Variants in ARHGAP39 observed in about 807,000 individuals in gnomAD.
The protein encoded by ARHGAP39 is Rho GTPase activating protein 39.
In ARHGAP39, 44 loss-of-function variants were observed where a neutral mutation model predicts 106.9. The observed-to-expected ratio is 0.41, with a 90% CI of 0.32 to 0.53. The LOEUF is 0.53. Ranked by LOEUF, ARHGAP39 falls within the 20% of genes least tolerant of loss-of-function variation. ARHGAP39 has a pLI of 0.21. For missense variants in ARHGAP39, 1,496 were observed against 1,577.3 expected, an observed-to-expected ratio of 0.95 and a Z score of 0.87; for synonymous variants, 768 against 693.2, an observed-to-expected ratio of 1.11 and a Z score of -1.69.
chr8:144,613,772 AAAAG>A (rs1394277228), intron 1 of ARHGAP39, among the ~76,000 whole-genome samples: 1 of 152,230 alleles, frequency 6.6e-6, no homozygotes, highest in African/African-American at 2.4e-5. Context: ...CAACAAAGAA[AAAAG>A]AAAGATGGTC....
At chr8:144,579,610 G>A (rs536233521) in intron 3 of ARHGAP39, among the ~76,000 whole-genome samples, 14 of 152,216 alleles carry the variant, frequency 9.2e-5, no homozygotes, top group Non-Finnish European at 2.1e-4. Flanking sequence ...TGCCAGACCG[G>A]GTCCACGGGA....
At position 144,547,949 on chromosome 8, in the gene ARHGAP39, G is replaced by C; in HGVS notation, c.1137C>G (p.Pro379=). 6.3e-7 allele frequency: 1 copy of C among 1,599,346 alleles called. No homozygotes were observed. Among genetic ancestry groups the C allele is most frequent in the Non-Finnish European group, 8.5e-7 (1 of 1,173,456 alleles). The change falls in exon 5 of 12, where the codon CCC becomes CCG. Residue 379 remains proline, a synonymous_variant. Transcript: ENST00000377307. The surrounding 1 kb of genome is among the most constrained non-coding windows in gnomAD (Gnocchi z 5.2). ...TGTACTCCAGGCTCAGGAAGCGCTC[G>C]GGACACTTCTGCTTGGTGAGCACCA... ...QQLVLTKQKC[P]ERFLSLEYSP... is the part of the protein sequence containing the mutation.
chr8:144,608,666 G>T (rs1363046317), intron 1 of ARHGAP39, among the ~76,000 whole-genome samples: 1 of 152,228 alleles, frequency 6.6e-6, no homozygotes, highest in East Asian at 1.9e-4. Flanking sequence ...TTGCAGTTGT[G>T]TTGAATCTAT....
At chr8:144,544,636 G>A (rs1426467086) in intron 6 of ARHGAP39, among the ~76,000 whole-genome samples, 2 of 152,254 alleles carry the variant, frequency 1.3e-5, no homozygotes, top group African/African-American at 2.4e-5. Flanking sequence ...CTGAAGCATC[G>A]TCTTGGAGAG....
At chr8:144,563,841 T>C (rs1453507393) in intron 3 of ARHGAP39, among the ~76,000 whole-genome samples, 1 of 152,048 alleles carries the variant, frequency 6.6e-6, no homozygotes, top group Non-Finnish European at 1.5e-5. Context: ...ATTAATGACT[T>C]TGGAAATTAA....
rs377628376 is a variant in ARHGAP39 at position 144,670,146 on chromosome 8, G to A, written c.-82+15540C>T. On this transcript the variant is annotated intron_variant, in intron 1 of 11. Transcript: ENST00000377307. The surrounding 1 kb of genome is among the most constrained non-coding windows in gnomAD (Gnocchi z 4.4). ...ACAGAGCTCGGATGCATGCTAGAGC[G>A]TACCGGGAAGCAGGATCAGGGCCTG... Among the ~76,000 whole-genome samples, 5 of 152,200 alleles carry A rather than the reference G, an allele frequency of 3.3e-5. No individual in the cohort carries two copies. Among genetic ancestry groups the A allele is most frequent in the East Asian group, 3.8e-4 (2 of 5,198 alleles).
chr8:144,616,236 C>T (rs1820632718), intron 1 of ARHGAP39, among the ~76,000 whole-genome samples: 1 of 152,248 alleles, frequency 6.6e-6, no homozygotes, highest in East Asian at 1.9e-4. Flanking sequence ...ACGCATGGAC[C>T]TGCCTGGCAG....
At chr8:144,654,641 C>A (rs549135293) in intron 1 of ARHGAP39, among the ~76,000 whole-genome samples, 1 of 152,290 alleles carries the variant, frequency 6.6e-6, no homozygotes, top group Admixed American at 6.5e-5. Context: ...GAGCCGGGGA[C>A]AAGCAGGAGC....
intron 2 of ARHGAP39, 101 bp downstream of exon 2, chr8:144,605,434 C>T: frequency 1.6e-6 from 2 of 1,275,778 alleles, no homozygotes; most frequent in Non-Finnish European, 2.2e-6. Flanking sequence ...AATCCATTCT[C>T]CACGGAGAAT....
chr8:144,561,435 G>A (rs1297597846), intron 3 of ARHGAP39, among the ~76,000 whole-genome samples: 3 of 145,582 alleles, frequency 2.1e-5, no homozygotes, highest in South Asian at 2.2e-4. Flanking sequence ...CACTCCAGTG[G>A]TGTCCATCAC....
At chr8:144,672,734 G>C (rs1822129200) in intron 1 of ARHGAP39, among the ~76,000 whole-genome samples, 1 of 152,176 alleles carries the variant, frequency 6.6e-6, no homozygotes, top group South Asian at 2.1e-4. Context: ...AACCCACTGA[G>C]ACTCAGCCAT....
intron 2 of ARHGAP39, among the ~76,000 whole-genome samples, chr8:144,596,015 C>T (rs1031167123): frequency 1.3e-5 from 2 of 152,136 alleles, no homozygotes; most frequent in Admixed American, 1.3e-4. Flanking sequence ...GCAGAGGACA[C>T]CCAGACCAAG....
At chr8:144,536,618 C>T (rs1180010999) in intron 7 of ARHGAP39, among the ~76,000 whole-genome samples, 2 of 152,192 alleles carry the variant, frequency 1.3e-5, no homozygotes, top group Admixed American at 1.3e-4. Flanking sequence ...GCAGCTGGCC[C>T]TCTTCTCCCA....
chr8:144,639,211 C>A (rs117518563), intron 1 of ARHGAP39, among the ~76,000 whole-genome samples: 4,119 of 151,338 alleles, frequency 0.027, 250 homozygotes, highest in East Asian at 0.24. Flanking sequence ...CCTGAGTCCC[C>A]GCTACTTGGG....
rs571922428 is a variant in ARHGAP39 at position 144,605,688 on chromosome 8, G to C, written c.-74C>G. On this transcript the variant is annotated 5_prime_UTR_variant, in exon 2 of 12. Coordinates refer to ENST00000377307, the MANE Select transcript of ARHGAP39 (RefSeq NM_025251.3). ...CACAACGCCAGCATCAGACGGGAAG[G>C]TGCCGCACTGCAAGAGGGGAGAAGC... The C allele has an allele frequency of 6.9e-7, 1 of 1,455,368 alleles. No homozygotes were observed. Among genetic ancestry groups the C allele is most frequent in the Non-Finnish European group, 9.6e-7 (1 of 1,046,906 alleles). 90.2% of individuals were successfully genotyped at this position (1,455,368 alleles called of 1,614,324 possible). A position where few individuals can be genotyped will look rare whatever the true frequency, so the allele number is the denominator to read the frequency against.
At chr8:144,624,045 C>G (rs1015793435) in intron 1 of ARHGAP39, among the ~76,000 whole-genome samples, 1 of 152,232 alleles carries the variant, frequency 6.6e-6, no homozygotes, top group African/African-American at 2.4e-5. Context: ...GTGCTGCAAA[C>G]AAGCAGGACC....
In ARHGAP39 at chr8:144,585,384, A is replaced by G. The variant is rs1819142976; in HGVS notation, c.81-4107T>C. Among the ~76,000 whole-genome samples, 1 of 150,310 alleles carries G rather than the reference A, an allele frequency of 6.7e-6. No individual in the cohort carries two copies. Among genetic ancestry groups the G allele is most frequent in the African/African-American group, 2.5e-5 (1 of 40,780 alleles). Reference sequence around the variant, plus strand: ...CTGGAGGGGCCAGCCAAGGGTTCCCAGCACCGGCTCACCGAGAACCTGGAG... The same window carrying G: ...CTGGAGGGGCCAGCCAAGGGTTCCCGGCACCGGCTCACCGAGAACCTGGAG... On this transcript the variant is annotated intron_variant, in intron 2 of 11. Transcript: ENST00000377307. The surrounding 1 kb of genome is among the most constrained non-coding windows in gnomAD (Gnocchi z 4.6).
intron 6 of ARHGAP39, among the ~76,000 whole-genome samples, chr8:144,538,801 C>T (rs1817068289): frequency 6.6e-6 from 1 of 152,116 alleles, no homozygotes; most frequent in Non-Finnish European, 1.5e-5. Context: ...GAACTCTTGA[C>T]CTCAAATGAT....
chr8:144,619,841 T>A (rs986247564), intron 1 of ARHGAP39, among the ~76,000 whole-genome samples: 1 of 145,310 alleles, frequency 6.9e-6, no homozygotes, highest in Non-Finnish European at 1.5e-5. Flanking sequence ...TGTGTGCCCA[T>A]GTGCGAGCTT....
Sources: allele counts gnomAD v4.1 joint callset (sites outside exome capture counted in the v4.1 genomes callset), GRCh38; gene constraint gnomAD v4.1.1; non-coding constraint Gnocchi (gnomAD v3.1); transcripts MANE v1.5; gene names NCBI Gene and HGNC (gene_info 2026-07-23, HGNC 2026-07-21).